Variants in MIER2 observed in about 807,000 individuals in gnomAD.
The protein encoded by MIER2 is MIER family member 2, also known as mesoderm induction early response protein 2.
Under a neutral mutation model 67.6 loss-of-function variants are expected in MIER2, and 30 were observed. The observed-to-expected ratio is 0.44, with a 90% CI of 0.33 to 0.60. The LOEUF (loss-of-function observed/expected upper bound fraction) is 0.60, where lower values mean the gene tolerates loss of function less well. Among genes scored for constraint, MIER2 ranks in the 20% least tolerant of loss-of-function variants. The pLI is 0.02. For missense variants in MIER2, 702 were observed against 745.1 expected, an observed-to-expected ratio of 0.94 and a Z score of 0.67; for synonymous variants, 372 against 312.6, an observed-to-expected ratio of 1.19 and a Z score of -2.00.
chr19:325,750 G>A, intron 6 of MIER2, 46 bp from the exon 7 acceptor site: 4 of 1,609,276 alleles, frequency 2.5e-6, no homozygotes, highest in Non-Finnish European at 3.4e-6. Context: ...GAGCATCTAG[G>A]CCGGGCGGGA....
chr19:328,684 G>A (rs1971879152), intron 3 of MIER2, among the ~76,000 whole-genome samples: 1 of 152,152 alleles, frequency 6.6e-6, no homozygotes, highest in Non-Finnish European at 1.5e-5. Flanking sequence ...GGAGATGGAG[G>A]TTGCAGTGAG....
intron 1 of MIER2, chr19:344,132 G>GA: frequency 3.0e-6 from 3 of 985,442 alleles, no homozygotes; most frequent in Non-Finnish European, 3.6e-6. Context: ...TCGTGCCCGG[G>GA]AGAGGCTGGT....
chr19:334,834 T>C (rs1323906645), intron 2 of MIER2, among the ~76,000 whole-genome samples: 1 of 152,054 alleles, frequency 6.6e-6, no homozygotes, highest in Non-Finnish European at 1.5e-5. Flanking sequence ...GGGGAGCAAG[T>C]GGACTAGAAA....
chr19:306,649 T>C lies in MIER2; in HGVS notation c.*41A>G. 6.4e-7 allele frequency: 1 copy of C among 1,551,242 alleles called. No individual in the cohort carries two copies. The highest frequency in any genetic ancestry group is 8.7e-7 in the Non-Finnish European group (1 of 1,147,108). On this transcript the variant is annotated 3_prime_UTR_variant, in exon 14 of 14. Transcript: ENST00000264819. ...ACAGAGGCGGGCCCAGCGGCAGCGC[T>C]AAGTCCAGTCTGGGCCGCATACGCC...
rs1388796412 is a variant in MIER2, at chr19:312,372, A to G, written c.808-100T>C. The G allele has an allele frequency of 1.8e-5, 21 of 1,167,582 alleles. 1 individual carries two copies. In the Admixed American group the frequency reaches 4.0e-4, roughly 22 times the overall value. The allele number at this position is 1,167,582 out of a possible 1,614,324, so 72.3% of individuals were successfully genotyped here. A position where few individuals can be genotyped will look rare whatever the true frequency, so the allele number is the denominator to read the frequency against. On this transcript the variant is annotated intron_variant, in intron 8 of 13. Coordinates refer to ENST00000264819, the MANE Select transcript of MIER2 (RefSeq NM_017550.3). ...GCGAGTGGCATCAGGGGCCGTCCAC[A>G]CCACCCTCCTGGGCGATGTCAGAGC...
At chr19:326,978 A>C in intron 5 of MIER2, 155 bp downstream of exon 5, 1 of 1,083,318 alleles carries the variant, frequency 9.2e-7, no homozygotes, top group Non-Finnish European at 1.3e-6. Flanking sequence ...GAGGAGAACA[A>C]AGCACCCCCA....
At chr19:320,729 C>T (rs1971465823) in intron 7 of MIER2, among the ~76,000 whole-genome samples, 1 of 152,182 alleles carries the variant, frequency 6.6e-6, no homozygotes, top group African/African-American at 2.4e-5. Context: ...CCTGAAACCA[C>T]GCCCCCTACT....
chr19:315,631 T>C (rs1971206126), intron 7 of MIER2, among the ~76,000 whole-genome samples: 1 of 152,038 alleles, frequency 6.6e-6, no homozygotes, highest in Non-Finnish European at 1.5e-5. Context: ...ACACAATTAG[T>C]GGAATCAAAA....
chr19:337,695 T>A (rs900708094), intron 1 of MIER2, among the ~76,000 whole-genome samples: 1 of 151,606 alleles, frequency 6.6e-6, no homozygotes, highest in Non-Finnish European at 1.5e-5. Context: ...GGTGAAACCC[T>A]GTCTCTACCA....
At position 325,873 on chromosome 19, in the gene MIER2, G is replaced by A. The variant is rs1971716624; in HGVS notation, c.586-169C>T. Among the ~76,000 whole-genome samples, 3 of 152,244 alleles carry A rather than the reference G, an allele frequency of 2.0e-5. No homozygotes were observed. The South Asian group carries it at 6.2e-4, about 31-fold the overall frequency. On this transcript the variant is annotated intron_variant, in intron 6 of 13. Transcript: ENST00000264819. ...CCAGTTCTGGGGTCTGAAGGTGGGA[G>A]GCAGAGGCCTGGGTGTGTGAGGGGT...
In MIER2 at chr19:327,260, T is replaced by TAAAAAAAAA. The variant is rs75198240; in HGVS notation, c.370-13_370-5dup. ...GCAAATCCTTCGCTATTTGTTCCTT[T>TAAAAAAAAA]AAAAAAAAAAAAAAAAGTAAAGAAC... On this transcript the variant is annotated splice_region_variant and splice_polypyrimidine_tract_variant and intron_variant, in intron 4 of 13. Transcript: ENST00000264819. 2 of 1,462,206 alleles carry TAAAAAAAAA rather than the reference T, an allele frequency of 1.4e-6. No homozygotes were observed. The highest frequency in any genetic ancestry group is 1.5e-5 in the African/African-American group (1 of 65,576). The allele number at this position is 1,462,206 out of a possible 1,614,324, so 90.6% of individuals were successfully genotyped here.
rs1274915727 is a variant in MIER2, at chr19:308,309, T to A, written c.1198+268A>T. Among the ~76,000 whole-genome samples the A allele has an allele frequency of 6.6e-6, 1 of 152,046 alleles. No individual in the cohort carries two copies. The highest frequency in any genetic ancestry group is 1.5e-5 in the Non-Finnish European group (1 of 67,970). On this transcript the variant is annotated intron_variant, in intron 12 of 13. Coordinates refer to ENST00000264819, the MANE Select transcript of MIER2 (RefSeq NM_017550.3). The surrounding 1 kb of genome is among the most constrained non-coding windows in gnomAD (Gnocchi z 9.1). ...CTGAGGCCTGGTAAATACCCCAACC[T>A]CACCATACGGGGCTCCCCAGCAGTG...
chr19:307,640 C>G (rs1170145042), intron 12 of MIER2, 104 bp from the exon 13 acceptor site: 1 of 1,227,608 alleles, frequency 8.1e-7, no homozygotes, highest in Admixed American at 3.1e-5. Flanking sequence ...GTGGATCCCT[C>G]CCCAGAAAAG....
Position 307,214 on chromosome 19 carries a change from G to T in MIER2, c.1521C>A (p.Thr507=), listed in dbSNP as rs751650862. ...CCCCAATGCCGATGAGTCCAAACTC[G>T]GTGACCGACAAAGCCACCTGTGCTG... ...VAPAQVALSV[T]EFGLIGIGDV... Residue 507 remains threonine, a synonymous_variant, in exon 13 of 14, where the codon ACC becomes ACA. Transcript: ENST00000264819. 3.8e-6 allele frequency: 6 copies of T among 1,591,798 alleles called. No homozygotes were observed. The East Asian group carries it at 9.1e-5, about 24-fold the overall frequency.
chr19:326,232 G>A (rs1971737846), intron 6 of MIER2, among the ~76,000 whole-genome samples: 1 of 151,550 alleles, frequency 6.6e-6, no homozygotes, highest in Non-Finnish European at 1.5e-5. Flanking sequence ...ATGCCAGGTT[G>A]GGGACACAGC....
chr19:311,021 C>G (rs1970977054), intron 10 of MIER2, among the ~76,000 whole-genome samples: 1 of 152,250 alleles, frequency 6.6e-6, no homozygotes, highest in Non-Finnish European at 1.5e-5. Flanking sequence ...CGCACAGTCA[C>G]CTGAGCAATG....
At chr19:329,992 C>G (rs867296531) in intron 3 of MIER2, among the ~76,000 whole-genome samples, 1 of 151,880 alleles carries the variant, frequency 6.6e-6, no homozygotes, top group African/African-American at 2.4e-5. Flanking sequence ...TGCTGCATAC[C>G]AAAGTGAGGT....
chr19:321,375 G>A (rs911402437), intron 7 of MIER2, among the ~76,000 whole-genome samples: 3 of 152,126 alleles, frequency 2.0e-5, no homozygotes, highest in Non-Finnish European at 4.4e-5. Flanking sequence ...CCGGGCGCAG[G>A]GGCTCACACC....
intron 1 of MIER2, among the ~76,000 whole-genome samples, chr19:337,987 C>A (rs936862751): frequency 6.6e-6 from 1 of 150,430 alleles, no homozygotes; most frequent in African/African-American, 2.4e-5. Flanking sequence ...TCCTGGCCAA[C>A]AAGGTGAAAC....
Sources: gnomAD v4.1 joint callset for allele counts (sites outside exome capture counted in the v4.1 genomes callset) on GRCh38, gnomAD v4.1.1 for gene constraint, Gnocchi (gnomAD v3.1) non-coding constraint, MANE v1.5 for transcripts, NCBI Gene and HGNC (gene_info 2026-07-23, HGNC 2026-07-21) for gene names.